The following MED12L variants were observed in gnomAD, a reference collection of about 807,000 sequenced individuals.
MED12L encodes the protein mediator complex subunit 12L.
In MED12L, 60 loss-of-function variants were observed where a neutral mutation model predicts 281.3. That is an observed-to-expected ratio of 0.21 (90% CI 0.17 to 0.26). The LOEUF is 0.26. Among genes scored for constraint, MED12L ranks in the 10% least tolerant of loss-of-function variants. The probability of loss-of-function intolerance (pLI) is 1.00; values close to 1 mark genes in which losing one functional copy is unlikely to be tolerated. For synonymous variants in MED12L, 974 were observed against 987.2 expected (o/e 0.99, Z 0.25); for missense variants, 2,146 against 2,680.9 (o/e 0.80, Z 4.41).
At chr3:151,343,618 A>G in intron 16 of MED12L, among the ~76,000 whole-genome samples, 1 of 148,874 alleles carries the variant, frequency 6.7e-6, no homozygotes, top group Admixed American at 6.7e-5. Context: ...TCTCATTAGT[A>G]AATAACATCA....
At chr3:151,261,725 TTTGTTG>T (rs1315822284) in intron 16 of MED12L, among the ~76,000 whole-genome samples, 1 of 151,356 alleles carries the variant, frequency 6.6e-6, no homozygotes, top group Non-Finnish European at 1.5e-5. Flanking sequence ...TTGTTTTGTT[TTTGTTG>T]TGTTGTGTTT....
chr3:151,140,843 AT>A (rs2148862471), intron 5 of MED12L, among the ~76,000 whole-genome samples: 1 of 144,378 alleles, frequency 6.9e-6, no homozygotes, highest in South Asian at 2.2e-4. Context: ...CCACACGCAG[AT>A]AATTTTGTTT....
chr3:151,243,870 C>G (rs1176786204), intron 16 of MED12L, among the ~76,000 whole-genome samples: 2 of 149,480 alleles, frequency 1.3e-5, no homozygotes, highest in Non-Finnish European at 3.0e-5. Flanking sequence ...TTCAGGAAAC[C>G]CATCTCACGT....
intron 2 of MED12L, among the ~76,000 whole-genome samples, chr3:151,095,735 T>C (rs1452207135): frequency 1.3e-5 from 2 of 152,182 alleles, no homozygotes; most frequent in African/African-American, 4.8e-5. Context: ...AACTTTTTTT[T>C]CTTTTTTTTT....
At chr3:151,245,679 A>C (rs2149410988) in intron 16 of MED12L, among the ~76,000 whole-genome samples, 2 of 125,478 alleles carry the variant, frequency 1.6e-5, no homozygotes, top group South Asian at 6.0e-4. Context: ...AATGGGCAAA[A>C]ACTGGAAGCA....
chr3:151,285,996 C>T (rs1743454871), intron 16 of MED12L, among the ~76,000 whole-genome samples: 2 of 152,178 alleles, frequency 1.3e-5, no homozygotes, highest in Admixed American at 1.3e-4. Flanking sequence ...GTTACAGCAG[C>T]AGGAATGAAC....
chr3:151,198,432 CATT>C (rs770890731), intron 16 of MED12L: 1 of 1,596,158 alleles, frequency 6.3e-7, no homozygotes, highest in East Asian at 2.2e-5. Flanking sequence ...GTCTTTTATG[CATT>C]ATTTTCACAT....
chr3:151,156,353 A>C (rs771095926), intron 6 of MED12L, 23 bp downstream of exon 6: 31 of 1,570,108 alleles, frequency 2.0e-5, no homozygotes, highest in Non-Finnish European at 8.6e-7. Context: ...AGACATGCAG[A>C]GTTGTGTGCA....
intron 16 of MED12L, among the ~76,000 whole-genome samples, chr3:151,253,932 T>A (rs1737307178): frequency 6.6e-6 from 1 of 152,062 alleles, no homozygotes; most frequent in South Asian, 2.1e-4. Context: ...CACTACTTTT[T>A]TTTTCTTCTT....
chr3:151,388,273 A>G (rs1034495182), intron 37 of MED12L, 101 bp downstream of exon 37: 2 of 1,426,396 alleles, frequency 1.4e-6, no homozygotes, highest in South Asian at 1.4e-5. Context: ...AGAGCAGGAT[A>G]AGTTTTGTTA....
chr3:151,338,012 A>C (rs893264382), intron 16 of MED12L: 1 of 1,614,140 alleles, frequency 6.2e-7, no homozygotes, highest in Non-Finnish European at 8.5e-7. Context: ...TCTCTTTCAC[A>C]TAGAACAGAG....
At chr3:151,090,769 G>C (rs1719924238) in intron 2 of MED12L, among the ~76,000 whole-genome samples, 1 of 152,206 alleles carries the variant, frequency 6.6e-6, no homozygotes, top group Admixed American at 6.5e-5. Context: ...GCCAGGCGTG[G>C]TGGCTCATGC....
At chr3:151,136,208 C>T (rs1435661011) in intron 5 of MED12L, among the ~76,000 whole-genome samples, 1 of 152,226 alleles carries the variant, frequency 6.6e-6, no homozygotes, top group Admixed American at 6.5e-5. Flanking sequence ...GACATATTCA[C>T]TGAGCCATTT....
At chr3:151,378,712 GAGAA>G (rs1179244883) in intron 31 of MED12L, among the ~76,000 whole-genome samples, 1 of 152,012 alleles carries the variant, frequency 6.6e-6, no homozygotes, top group African/African-American at 2.4e-5. Context: ...CCGTGTTACT[GAGAA>G]AGAAAGAAAC....
Position 151,357,363 on chromosome 3 carries a change from C to T in MED12L, c.2812C>T (p.Gln938Ter). Residue 938 changes from glutamine to a stop codon, truncating the protein, a stop_gained, in exon 20 of 45, where the codon CAG becomes TAG. Transcript: ENST00000687756. LOFTEE classifies it high-confidence loss of function. ...CLILNPDQTA[Q>*]VFEGLCGVVK... ...AATCTTGAATCCTGATCAGACAGCCCAGGTGTTTGAAGGGTTGGTATATAG... is the reference window on the plus strand; with the variant it reads ...AATCTTGAATCCTGATCAGACAGCCTAGGTGTTTGAAGGGTTGGTATATAG... 6.2e-7 allele frequency: 1 copy of T among 1,608,830 alleles called. No individual in the cohort carries two copies. Among genetic ancestry groups the T allele is most frequent in the Non-Finnish European group, 8.5e-7 (1 of 1,177,954 alleles).
At chr3:151,330,584 T>G (rs1295947190) in intron 16 of MED12L, among the ~76,000 whole-genome samples, 1 of 152,204 alleles carries the variant, frequency 6.6e-6, no homozygotes, top group African/African-American at 2.4e-5. Flanking sequence ...TTTCATTTCA[T>G]GTTTCTTGCC....
At chr3:151,360,725 G>T in intron 21 of MED12L, 120 bp downstream of exon 21, 1 of 899,630 alleles carries the variant, frequency 1.1e-6, no homozygotes, top group Middle Eastern at 2.3e-4. Flanking sequence ...CTATTAGGCA[G>T]TAATTTTGAT....
chr3:151,160,139 A>G, intron 8 of MED12L, 38 bp downstream of exon 8: 1 of 1,475,916 alleles, frequency 6.8e-7, no homozygotes, highest in Non-Finnish European at 9.0e-7. Context: ...GTTAAAATTC[A>G]ATGTGGGAAG....
At position 151,367,733 on chromosome 3, in the gene MED12L, C is replaced by T; in HGVS notation, c.3415C>T (p.Gln1139Ter). The T allele has an allele frequency of 6.2e-7, 1 of 1,611,244 alleles. No individual in the cohort carries two copies. The highest frequency in any genetic ancestry group is 8.5e-7 in the Non-Finnish European group (1 of 1,178,094). ...GTGTTTTTCCCTGGAGGACGTCGTGCAGCATGTCGCACTTCCCTCTCTTCT... is the reference window on the plus strand; with the variant it reads ...GTGTTTTTCCCTGGAGGACGTCGTGTAGCATGTCGCACTTCCCTCTCTTCT... ...RQCFSLEDVV[Q>*]HVALPSLLAA... The change falls in exon 24 of 45, where the codon CAG becomes TAG. Residue 1139 changes from glutamine (Q) to a stop codon, truncating the protein, a stop_gained. Coordinates refer to ENST00000687756, the MANE Select transcript of MED12L (RefSeq NM_001393769.1). LOFTEE classifies it high-confidence loss of function.
Sources: allele counts gnomAD v4.1 joint callset (sites outside exome capture counted in the v4.1 genomes callset), GRCh38; gene constraint gnomAD v4.1.1; transcripts MANE v1.5; gene names NCBI Gene and HGNC (gene_info 2026-07-23, HGNC 2026-07-21).